The following LTBP1 variants were observed in gnomAD, a reference collection of about 807,000 sequenced individuals.
LTBP1 encodes the protein latent-transforming growth factor beta-binding protein 1.
In LTBP1, 129 loss-of-function variants were observed where a neutral mutation model predicts 207.6. The ratio of observed to expected loss-of-function variants is 0.62; its 90% CI spans 0.54 to 0.72. LTBP1 has a LOEUF of 0.72. Among genes scored for constraint, LTBP1 ranks in the 30% least tolerant of loss-of-function variants. The pLI is 0.00. For missense variants in LTBP1, 2,281 were observed against 2,217.2 expected, an observed-to-expected ratio of 1.03 and a Z score of -0.58; for synonymous variants, 963 against 833.7, an observed-to-expected ratio of 1.16 and a Z score of -2.67.
intron 7 of LTBP1, among the ~76,000 whole-genome samples, chr2:33,195,195 A>G (rs2088409379): frequency 6.6e-6 from 1 of 152,230 alleles, no homozygotes; most frequent in Non-Finnish European, 1.5e-5. Flanking sequence ...CCCATGGATC[A>G]AGGAGTCATT....
intron 3 of LTBP1, among the ~76,000 whole-genome samples, chr2:33,041,402 A>G (rs1219485633): frequency 2.0e-5 from 3 of 151,994 alleles, no homozygotes. Context: ...CTTCTGCCTC[A>G]GCCTCCCAAG....
intron 3 of LTBP1, among the ~76,000 whole-genome samples, chr2:33,044,659 C>G (rs2076356709): frequency 1.3e-5 from 2 of 152,320 alleles, no homozygotes; most frequent in South Asian, 4.1e-4. Flanking sequence ...AATGGTAATT[C>G]TGGTTCTAGA....
chr2:33,224,583 G>A (rs912681480), intron 9 of LTBP1, among the ~76,000 whole-genome samples: 5 of 152,116 alleles, frequency 3.3e-5, no homozygotes, highest in African/African-American at 1.2e-4. Flanking sequence ...TTTAGAAAGT[G>A]TTTCGGTTAT....
intron 2 of LTBP1, among the ~76,000 whole-genome samples, chr2:32,988,441 G>A (rs1452865530): frequency 6.6e-6 from 1 of 152,120 alleles, no homozygotes; most frequent in African/African-American, 2.4e-5. Flanking sequence ...AGAGCCATAG[G>A]AACCCTAGGA....
intron 22 of LTBP1, among the ~76,000 whole-genome samples, chr2:33,306,746 G>A (rs1023833429): frequency 4.0e-5 from 6 of 151,742 alleles, no homozygotes; most frequent in Non-Finnish European, 7.4e-5. Flanking sequence ...GCTTCTCCTC[G>A]CTTCATTATC....
intron 2 of LTBP1, among the ~76,000 whole-genome samples, chr2:32,991,991 C>T (rs774622943): frequency 2.6e-5 from 4 of 152,164 alleles, no homozygotes; most frequent in Admixed American, 6.5e-5. Flanking sequence ...CAAAAACAGT[C>T]CTCCTGCTTA....
intron 26 of LTBP1, among the ~76,000 whole-genome samples, chr2:33,349,600 A>G (rs2094752265): frequency 6.6e-6 from 1 of 152,210 alleles, no homozygotes; most frequent in South Asian, 2.1e-4. Context: ...GGGAGTGAGA[A>G]TCTAAAGCCT....
At chr2:33,353,826 A>G (rs887994739) in intron 26 of LTBP1, among the ~76,000 whole-genome samples, 1 of 151,704 alleles carries the variant, frequency 6.6e-6, no homozygotes, top group Non-Finnish European at 1.5e-5. Context: ...TTCCCTTCCT[A>G]GAGAGGTACA....
At chr2:33,219,314 T>C (rs892962899) in intron 8 of LTBP1, among the ~76,000 whole-genome samples, 2 of 152,174 alleles carry the variant, frequency 1.3e-5, no homozygotes, top group African/African-American at 4.8e-5. Context: ...TTCCAGGAAG[T>C]AGGTTGAGTG....
chr2:33,225,960 A>G (rs2091412731), intron 9 of LTBP1, among the ~76,000 whole-genome samples: 1 of 152,102 alleles, frequency 6.6e-6, no homozygotes, highest in South Asian at 2.1e-4. Flanking sequence ...TATACACCAC[A>G]TTTTCTGTAT....
chr2:33,286,173 ATCTT>A (rs2093661858), intron 19 of LTBP1, among the ~76,000 whole-genome samples: 1 of 152,116 alleles, frequency 6.6e-6, no homozygotes, highest in South Asian at 2.1e-4. Context: ...TGTCAGTGTA[ATCTT>A]TCTTTTTTAA....
In LTBP1 at chr2:32,982,404, A is replaced by G. The variant is rs183507785; in HGVS notation, c.565+33459A>G. On this transcript the variant is annotated intron_variant, in intron 2 of 33. Coordinates refer to ENST00000404816, the MANE Select transcript of LTBP1 (RefSeq NM_206943.4). The stretch of plus-strand genomic sequence containing the variant: ...GCAGCCTGATGATGAAGTAGAAAAG[A>G]AAAACCAATTTTCTGGGGAGAAACT... 1.3e-3 allele frequency among the ~76,000 whole-genome samples: 202 copies of G among 152,342 alleles called. 1 individual carries two copies. Among genetic ancestry groups the G allele is most frequent in the Non-Finnish European group, 2.5e-3 (170 of 68,018 alleles).
intron 24 of LTBP1, among the ~76,000 whole-genome samples, chr2:33,338,605 G>T (rs546461330): frequency 5.9e-5 from 9 of 152,288 alleles, no homozygotes; most frequent in Admixed American, 5.9e-4. Context: ...GAGGCCCTGA[G>T]ATCTGCTTGT....
intron 3 of LTBP1, among the ~76,000 whole-genome samples, chr2:33,099,151 G>A (rs1390250302): frequency 6.6e-6 from 1 of 152,200 alleles, no homozygotes; most frequent in Non-Finnish European, 1.5e-5. Context: ...CTGTAGGGCA[G>A]TAGATATTTT....
intron 31 of LTBP1, among the ~76,000 whole-genome samples, chr2:33,384,990 A>T (rs1179860352): frequency 6.6e-6 from 1 of 152,194 alleles, no homozygotes; most frequent in African/African-American, 2.4e-5. Flanking sequence ...CCACTTCTAT[A>T]AACCTATTCT....
At chr2:33,190,276 G>T (rs551781532) in intron 7 of LTBP1, among the ~76,000 whole-genome samples, 1 of 152,288 alleles carries the variant, frequency 6.6e-6, no homozygotes, top group Admixed American at 6.5e-5. Flanking sequence ...CCCCTCATGA[G>T]AAGACTAGAT....
intron 18 of LTBP1, among the ~76,000 whole-genome samples, chr2:33,276,272 AT>A (rs1045948310): frequency 6.6e-6 from 1 of 152,116 alleles, no homozygotes; most frequent in African/African-American, 2.4e-5. Flanking sequence ...ACCAGTGTTG[AT>A]TTTTTGTTTT....
At chr2:32,997,998 A>G (rs1685540364) in intron 2 of LTBP1, among the ~76,000 whole-genome samples, 1 of 152,210 alleles carries the variant, frequency 6.6e-6, no homozygotes, top group Non-Finnish European at 1.5e-5. Context: ...GACTGTTTCC[A>G]GTAAAGTTTG....
In LTBP1 at chr2:33,389,154, GGGGCCTCAT is replaced by G. The variant is rs1368646454; in HGVS notation, c.4712-28_4712-20del. 2.5e-6 allele frequency: 4 copies of G among 1,613,758 alleles called. No homozygotes were observed. The Admixed American group carries it at 6.7e-5, about 27-fold the overall frequency. The stretch of plus-strand genomic sequence containing the variant: ...GGGGCAGGTGCGAGCTAACAGTGGT[GGGGCCTCAT>G]GCTGCTTGTCTACTCCTTAGATGAC... On this transcript the variant is annotated intron_variant, in intron 31 of 33. Coordinates refer to ENST00000404816, the MANE Select transcript of LTBP1 (RefSeq NM_206943.4).
Sources: allele counts gnomAD v4.1 joint callset (sites outside exome capture counted in the v4.1 genomes callset), GRCh38; gene constraint gnomAD v4.1.1; transcripts MANE v1.5; gene names NCBI Gene and HGNC (gene_info 2026-07-23, HGNC 2026-07-21).